Variants in ZNF695 observed in about 807,000 individuals in gnomAD.
ZNF695 encodes the protein zinc finger protein 695, also known as zinc finger protein SBZF3.
A neutral mutation model predicts 11.2 loss-of-function variants in ZNF695; 11 were observed. The ratio of observed to expected loss-of-function variants is 0.98; its 90% CI spans 0.62 to 1.62. ZNF695 has a LOEUF of 1.62. Among genes scored for constraint, ZNF695 ranks in the 40% most tolerant of loss-of-function variants. The pLI is 0.00. For synonymous variants in ZNF695, 190 were observed against 201.4 expected (o/e 0.94, Z 0.48); for missense variants, 559 against 590.5 (o/e 0.95, Z 0.55).
chr1:246,999,792 T>C lies in ZNF695; in HGVS notation c.166+120A>G, dbSNP rs6693088. 2.3e-3 allele frequency: 2,358 copies of C among 1,012,408 alleles called. 33 individuals are homozygous for C. The African/African-American group carries it at 0.035, about 15-fold the overall frequency. 62.7% of individuals were successfully genotyped at this position (1,012,408 alleles called of 1,614,324 possible). A position where few individuals can be genotyped will look rare whatever the true frequency, so the allele number is the denominator to read the frequency against. On this transcript the variant is annotated intron_variant, in intron 2 of 3. Coordinates refer to ENST00000339986, the MANE Select transcript of ZNF695 (RefSeq NM_020394.5). The stretch of plus-strand genomic sequence containing the variant: ...ATGTCAAGGCAAAACATCTTGAAAG[T>C]TTTGTTTTCTACACCAAGAAATCCC...
chr1:246,989,676 T>C lies in ZNF695; in HGVS notation c.260-1421A>G, dbSNP rs116046889. ...AATTATCCATTCAAAAGAAATAGAC[T>C]GGCTGAATGGATGAAAACACAAGAC... On this transcript the variant is annotated intron_variant, in intron 3 of 3. Coordinates refer to ENST00000339986, the MANE Select transcript of ZNF695 (RefSeq NM_020394.5). Among the ~76,000 whole-genome samples the C allele has an allele frequency of 2.2e-3, 339 of 152,340 alleles. 2 individuals carry two copies. Among genetic ancestry groups the C allele is most frequent in the African/African-American group, 7.8e-3 (325 of 41,574 alleles).
At chr1:246,992,902 C>T (rs1029643050) in intron 3 of ZNF695, among the ~76,000 whole-genome samples, 1 of 152,092 alleles carries the variant, frequency 6.6e-6, no homozygotes, top group African/African-American at 2.4e-5. Flanking sequence ...CACATGTGTC[C>T]ATACTTTTGG....
chr1:246,979,806 A>G (rs565293702), intron 4 of ZNF695: 1 of 152,924 alleles, frequency 6.5e-6, no homozygotes, highest in South Asian at 2.1e-4. Context: ...AAAAAATTAA[A>G]ATACGTCATT....
At chr1:247,003,175 T>C (rs556478915) in intron 1 of ZNF695, among the ~76,000 whole-genome samples, 2 of 152,328 alleles carry the variant, frequency 1.3e-5, no homozygotes, top group East Asian at 1.9e-4. Context: ...ATGTTCACTG[T>C]AGCCTTTTCA....
At chr1:246,991,206 C>A (rs115332761) in intron 3 of ZNF695, among the ~76,000 whole-genome samples, 1 of 152,006 alleles carries the variant, frequency 6.6e-6, no homozygotes, top group Non-Finnish European at 1.5e-5. Context: ...ACCTCTAAGA[C>A]ATTAGTCTAA....
chr1:246,951,613 C>T (rs974361889), intron 5 of ZNF695, among the ~76,000 whole-genome samples: 1 of 152,188 alleles, frequency 6.6e-6, no homozygotes, highest in East Asian at 1.9e-4. Context: ...GACTATTACA[C>T]GCTCCTAGAC....
intron 3 of ZNF695, among the ~76,000 whole-genome samples, chr1:246,992,025 G>T (rs1050043531): frequency 6.6e-6 from 1 of 152,154 alleles, no homozygotes; most frequent in Non-Finnish European, 1.5e-5. Context: ...GTAGCCGGGC[G>T]TGGTGGCGGG....
At chr1:246,977,254 A>G (rs1293258370) in intron 4 of ZNF695, among the ~76,000 whole-genome samples, 1 of 152,136 alleles carries the variant, frequency 6.6e-6, no homozygotes, top group African/African-American at 2.4e-5. Flanking sequence ...TTATGAAAGG[A>G]TACATTTTTT....
intron 5 of ZNF695, among the ~76,000 whole-genome samples, chr1:246,957,963 T>C (rs1668043032): frequency 6.6e-6 from 1 of 152,192 alleles, no homozygotes; most frequent in Non-Finnish European, 1.5e-5. Flanking sequence ...TTTTCTATGA[T>C]GAGTCTGACA....
chr1:246,949,600 GA>G (rs71498940), intron 5 of ZNF695, among the ~76,000 whole-genome samples: 56 of 131,550 alleles, frequency 4.3e-4, no homozygotes, highest in Middle Eastern at 3.8e-3. Flanking sequence ...CAAAAAAAAA[GA>G]AAAAAAAAAA....
At chr1:246,979,510 G>T (rs939394747) in intron 4 of ZNF695, among the ~76,000 whole-genome samples, 59 of 152,230 alleles carry the variant, frequency 3.9e-4, no homozygotes, top group African/African-American at 1.2e-3. Flanking sequence ...AGATCCTTGA[G>T]ACCTCCTTCA....
At chr1:246,989,011 G>A (rs148113151) in intron 3 of ZNF695, among the ~76,000 whole-genome samples, 3,071 of 150,356 alleles carry the variant, frequency 0.02, 110 homozygotes, top group African/African-American at 0.072. Context: ...GAAGAATAGC[G>A]TGAACCCGGG....
intron 5 of ZNF695, among the ~76,000 whole-genome samples, chr1:246,961,800 T>G (rs1193501153): frequency 6.6e-6 from 1 of 152,180 alleles, no homozygotes; most frequent in Admixed American, 6.5e-5. Context: ...AACTTAGTAG[T>G]AAGGGTGATC....
intron 4 of ZNF695, among the ~76,000 whole-genome samples, chr1:246,975,453 G>A (rs72766596): frequency 0.02 from 3,081 of 152,250 alleles, 47 homozygotes; most frequent in Non-Finnish European, 0.032. Context: ...CTTAGTCTAC[G>A]GAGGAAACAT....
intron 3 of ZNF695, among the ~76,000 whole-genome samples, chr1:246,989,411 CT>C (rs1404189099): frequency 3.3e-5 from 5 of 152,178 alleles, no homozygotes; most frequent in Admixed American, 1.3e-4. Flanking sequence ...TTTTCACTTG[CT>C]TTTTTATGCA....
chr1:246,980,194 A>C (rs1315475695), intron 4 of ZNF695, among the ~76,000 whole-genome samples: 5 of 150,992 alleles, frequency 3.3e-5, no homozygotes, highest in Middle Eastern at 3.4e-3. Context: ...AAAAAAAAAA[A>C]AAAAAAAAAA....
chr1:246,985,848 G>C lies in ZNF695; in HGVS notation c.*1119C>G, dbSNP rs994133048. Reference sequence around the variant, plus strand: ...TAAATTTCTTCAGGAAGCTTACAATGCAATGTCCATAATCTTCCAAAGAAA... The same window carrying C: ...TAAATTTCTTCAGGAAGCTTACAATCCAATGTCCATAATCTTCCAAAGAAA... On this transcript the variant is annotated 3_prime_UTR_variant, in exon 4 of 4. Coordinates refer to ENST00000339986, the MANE Select transcript of ZNF695 (RefSeq NM_020394.5). 7.1e-6 allele frequency: 7 copies of C among 985,236 alleles called. No individual in the cohort carries two copies. In the African/African-American group the frequency reaches 1.2e-4, roughly 17 times the overall value. 61.0% of individuals were successfully genotyped at this position (985,236 alleles called of 1,614,324 possible).
At chr1:246,954,739 C>A (rs1667947064) in intron 5 of ZNF695, among the ~76,000 whole-genome samples, 1 of 152,192 alleles carries the variant, frequency 6.6e-6, no homozygotes, top group Admixed American at 6.5e-5. Context: ...GCTCGAAACT[C>A]TGACTTGCTA....
intron 3 of ZNF695, among the ~76,000 whole-genome samples, chr1:246,997,435 G>A (rs889835808): frequency 6.6e-5 from 10 of 151,908 alleles, no homozygotes; most frequent in Admixed American, 2.6e-4. Flanking sequence ...CCCGGGAGGC[G>A]GAGGGTGCAG....
Sources: allele counts gnomAD v4.1 joint callset (sites outside exome capture counted in the v4.1 genomes callset), GRCh38; gene constraint gnomAD v4.1.1; transcripts MANE v1.5; gene names NCBI Gene and HGNC (gene_info 2026-07-23, HGNC 2026-07-21).